VPS13B: variants seen among roughly 807,000 people sequenced by gnomAD.
VPS13B encodes intermembrane lipid transfer protein VPS13B.
A neutral mutation model predicts 426.4 loss-of-function variants in VPS13B; 285 were observed. That is an observed-to-expected ratio of 0.67 (90% CI 0.61 to 0.74). The LOEUF (loss-of-function observed/expected upper bound fraction) is 0.74, where lower values mean the gene tolerates loss of function less well. Among genes scored for constraint, VPS13B ranks in the 30% least tolerant of loss-of-function variants. VPS13B has a pLI of 0.00. For missense variants in VPS13B, 4,537 were observed against 4,782.6 expected, an observed-to-expected ratio of 0.95 and a Z score of 1.51; for synonymous variants, 1,676 against 1,676.4, an observed-to-expected ratio of 1.00 and a Z score of 0.01.
At chr8:99,566,593 C>A (rs1322432265) in intron 31 of VPS13B, among the ~76,000 whole-genome samples, 3 of 152,106 alleles carry the variant, frequency 2.0e-5, no homozygotes, top group Non-Finnish European at 4.4e-5. Flanking sequence ...CAGGCATGTG[C>A]CGCCACGCCC....
chr8:99,151,186 G>A (rs1811057390), intron 14 of VPS13B, among the ~76,000 whole-genome samples: 3 of 152,124 alleles, frequency 2.0e-5, no homozygotes, highest in Admixed American at 6.6e-5. Context: ...CTTTGGTGAG[G>A]TATCTCTTCA....
At chr8:99,568,913 G>A (rs1019942223) in intron 31 of VPS13B, among the ~76,000 whole-genome samples, 4 of 151,186 alleles carry the variant, frequency 2.6e-5, no homozygotes, top group African/African-American at 9.7e-5. Flanking sequence ...CCGGGTTCAC[G>A]CCATTCTCCT....
At chr8:99,857,308 G>A (rs538587173) in intron 56 of VPS13B, among the ~76,000 whole-genome samples, 14 of 152,320 alleles carry the variant, frequency 9.2e-5, no homozygotes, top group South Asian at 4.1e-4. Flanking sequence ...CAGGCCTGTC[G>A]TGGGGGACAC....
chr8:99,852,038 G>T (rs1419164481), intron 55 of VPS13B, among the ~76,000 whole-genome samples: 2 of 152,100 alleles, frequency 1.3e-5, no homozygotes, highest in South Asian at 2.1e-4. Context: ...TCAGATTCTG[G>T]ATATGCTTCT....
intron 43 of VPS13B, among the ~76,000 whole-genome samples, chr8:99,797,627 C>T (rs1812920021): frequency 6.6e-6 from 1 of 152,176 alleles, no homozygotes; most frequent in African/African-American, 2.4e-5. Context: ...CACCCCTCCC[C>T]TTTTCCCATT....
chr8:99,095,701 C>T (rs1377944343), intron 3 of VPS13B, among the ~76,000 whole-genome samples: 1 of 152,068 alleles, frequency 6.6e-6, no homozygotes, highest in Non-Finnish European at 1.5e-5. Context: ...AAAAAGTACT[C>T]ATTTGCAGTT....
At chr8:99,726,115 G>A (rs1485120478) in intron 39 of VPS13B, among the ~76,000 whole-genome samples, 1 of 151,912 alleles carries the variant, frequency 6.6e-6, no homozygotes, top group African/African-American at 2.4e-5. Flanking sequence ...AATTTATTTT[G>A]TAATTGTAAT....
At chr8:99,597,682 C>T (rs1827087036) in intron 33 of VPS13B, among the ~76,000 whole-genome samples, 2 of 151,922 alleles carry the variant, frequency 1.3e-5, no homozygotes, top group African/African-American at 2.4e-5. Context: ...ACAAAGTGGA[C>T]AGAGAAAATG....
intron 25 of VPS13B, among the ~76,000 whole-genome samples, chr8:99,484,818 C>G (rs1820217041): frequency 6.7e-6 from 1 of 149,130 alleles, no homozygotes; most frequent in Non-Finnish European, 1.5e-5. Flanking sequence ...TCATAACCAT[C>G]TGGGTGACAG....
intron 36 of VPS13B, 52 bp downstream of exon 36, chr8:99,699,984 T>C: frequency 6.3e-7 from 1 of 1,586,646 alleles, no homozygotes; most frequent in Non-Finnish European, 8.6e-7. Flanking sequence ...GATGATTTGT[T>C]AACATCTGAA....
intron 17 of VPS13B, among the ~76,000 whole-genome samples, chr8:99,244,291 G>A (rs548632476): frequency 6.6e-6 from 1 of 152,256 alleles, no homozygotes; most frequent in East Asian, 1.9e-4. Flanking sequence ...CTTTGAAACT[G>A]CAAGATTATA....
intron 17 of VPS13B, among the ~76,000 whole-genome samples, chr8:99,261,554 G>C (rs780017313): frequency 2.6e-5 from 4 of 152,114 alleles, no homozygotes; most frequent in Non-Finnish European, 5.9e-5. Flanking sequence ...GTGTGGACTT[G>C]TCTCACCTCC....
chr8:99,360,147 T>C (rs1337976421), intron 19 of VPS13B, among the ~76,000 whole-genome samples: 4 of 32,336 alleles, frequency 1.2e-4, no homozygotes, highest in Non-Finnish European at 2.3e-4. Context: ...TCTTTCTTTC[T>C]TTCTTTCTTT....
chr8:99,242,510 G>A (rs1427222096), intron 17 of VPS13B, among the ~76,000 whole-genome samples: 4 of 152,100 alleles, frequency 2.6e-5, no homozygotes, highest in African/African-American at 9.7e-5. Context: ...TGCAAATGGA[G>A]CAAAGTAGTT....
chr8:99,193,750 T>A (rs1563594983), intron 17 of VPS13B, among the ~76,000 whole-genome samples: 1 of 152,296 alleles, frequency 6.6e-6, no homozygotes, highest in East Asian at 1.9e-4. Flanking sequence ...TCTTATATGA[T>A]GCTTTTGAAG....
intron 39 of VPS13B, among the ~76,000 whole-genome samples, chr8:99,737,181 C>A (rs1057153203): frequency 1.7e-5 from 2 of 114,790 alleles, no homozygotes; most frequent in Non-Finnish European, 3.2e-5. Flanking sequence ...AGTGCAGGGG[C>A]GCGATCTCTG....
chr8:99,491,143 G>A lies in VPS13B; in HGVS notation c.3870+9341G>A, dbSNP rs182395557. Among the ~76,000 whole-genome samples the A allele has an allele frequency of 1.3e-4, 20 of 152,250 alleles. No homozygotes were observed. In the East Asian group the frequency reaches 3.7e-3, roughly 28 times the overall value. On this transcript the variant is annotated intron_variant, in intron 25 of 61. Coordinates refer to ENST00000357162, the MANE Select transcript of VPS13B (RefSeq NM_152564.5). ...GGTTTCAAAGAACATCTTTATTTCT[G>A]CCTTCATTTCGTTATTTACCTAGTA...
chr8:99,846,269 G>A (rs1815979751), intron 54 of VPS13B, among the ~76,000 whole-genome samples: 1 of 152,206 alleles, frequency 6.6e-6, no homozygotes, highest in South Asian at 2.1e-4. Flanking sequence ...TTATACACCT[G>A]TGGTCTGGAA....
chr8:99,136,827 C>T, intron 12 of VPS13B, 75 bp downstream of exon 12: 1 of 1,410,370 alleles, frequency 7.1e-7, no homozygotes, highest in East Asian at 2.3e-5. Flanking sequence ...TCAATTGGTC[C>T]TTGACTGGTT....
Sources: allele counts gnomAD v4.1 joint callset (sites outside exome capture counted in the v4.1 genomes callset), GRCh38; gene constraint gnomAD v4.1.1; transcripts MANE v1.5; gene names NCBI Gene and HGNC (gene_info 2026-07-23, HGNC 2026-07-21).